DLG2: variants seen among roughly 807,000 people sequenced by gnomAD.
DLG2 encodes the protein discs large MAGUK scaffold protein 2.
Under a neutral mutation model 132.5 loss-of-function variants are expected in DLG2, and 45 were observed. The ratio of observed to expected loss-of-function variants is 0.34; its 90% confidence interval spans 0.27 to 0.44. The LOEUF (loss-of-function observed/expected upper bound fraction) is 0.44, where lower values mean the gene tolerates loss of function less well. DLG2 is among the 20% of genes least tolerant of loss of function. The pLI, the probability that DLG2 is intolerant of heterozygous loss-of-function variation, is 1.00. For synonymous variants in DLG2, 424 were observed against 419.6 expected, an observed-to-expected ratio of 1.01 and a Z score of -0.13; for missense variants, 1,045 against 1,196.9, an observed-to-expected ratio of 0.87 and a Z score of 1.87.
At chr11:83,548,531 C>T (rs2096295612) in intron 19 of DLG2, among the ~76,000 whole-genome samples, 1 of 152,084 alleles carries the variant, frequency 6.6e-6, no homozygotes, top group South Asian at 2.1e-4. Context: ...AGGATTCTGT[C>T]AAAGATTCTT....
intron 21 of DLG2, among the ~76,000 whole-genome samples, chr11:83,525,714 C>T (rs550887865): frequency 3.9e-5 from 6 of 152,280 alleles, no homozygotes; most frequent in South Asian, 2.1e-4. Context: ...TGTAGATCAC[C>T]TCTGGACATT....
chr11:84,102,010 A>G (rs1713298496), intron 9 of DLG2, among the ~76,000 whole-genome samples: 1 of 152,156 alleles, frequency 6.6e-6, no homozygotes, highest in Non-Finnish European at 1.5e-5. Context: ...AGACCTCACT[A>G]TAATTCATCT....
intron 7 of DLG2, among the ~76,000 whole-genome samples, chr11:84,323,762 T>C (rs1310099581): frequency 6.8e-6 from 1 of 146,274 alleles, no homozygotes; most frequent in Admixed American, 6.9e-5. Context: ...TTCTAACAGG[T>C]GTGAGGTGAT....
intron 7 of DLG2, chr11:84,317,472 T>C (rs1210853373): frequency 1.5e-6 from 1 of 681,792 alleles, no homozygotes; most frequent in African/African-American, 1.9e-5. Context: ...AAACCCTTTT[T>C]GGATGGAGCC....
intron 9 of DLG2, among the ~76,000 whole-genome samples, chr11:84,157,969 T>G (rs2095465945): frequency 6.6e-6 from 1 of 152,224 alleles, no homozygotes; most frequent in East Asian, 1.9e-4. Context: ...AAGAACATTA[T>G]GAGAAAATTC....
intron 18 of DLG2, among the ~76,000 whole-genome samples, chr11:83,736,330 T>A (rs944879589): frequency 6.6e-6 from 1 of 152,116 alleles, no homozygotes; most frequent in Non-Finnish European, 1.5e-5. Flanking sequence ...TACACAAGTG[T>A]TTGCTTTTAA....
At chr11:83,680,012 G>A (rs999991470) in intron 18 of DLG2, among the ~76,000 whole-genome samples, 1 of 152,130 alleles carries the variant, frequency 6.6e-6, no homozygotes, top group Non-Finnish European at 1.5e-5. Context: ...TTTTAATCCT[G>A]TTTTGAGAGA....
chr11:84,365,135 C>G (rs1029192746), intron 7 of DLG2, among the ~76,000 whole-genome samples: 3 of 152,120 alleles, frequency 2.0e-5, no homozygotes, highest in African/African-American at 7.2e-5. Flanking sequence ...GTGAATCCAT[C>G]TGGTCCTGGA....
intron 21 of DLG2, among the ~76,000 whole-genome samples, chr11:83,528,568 TA>T (rs1452824543): frequency 1.3e-5 from 2 of 152,186 alleles, no homozygotes; most frequent in Non-Finnish European, 2.9e-5. Flanking sequence ...CCTTCTCTTT[TA>T]CCTAAGGCAT....
chr11:84,539,010 A>G (rs2099361886), intron 6 of DLG2, among the ~76,000 whole-genome samples: 1 of 152,152 alleles, frequency 6.6e-6, no homozygotes, highest in South Asian at 2.1e-4. Context: ...GTACTGATTT[A>G]TAACACTAGG....
At chr11:84,656,280 T>C (rs556627843) in intron 6 of DLG2, among the ~76,000 whole-genome samples, 1 of 152,296 alleles carries the variant, frequency 6.6e-6, no homozygotes. Flanking sequence ...TTCAGAAATA[T>C]ATCCAACATC....
chr11:83,701,118 A>AGGAG (rs2082858553), intron 18 of DLG2, among the ~76,000 whole-genome samples: 1 of 152,104 alleles, frequency 6.6e-6, no homozygotes, highest in African/African-American at 2.4e-5. Context: ...GGAGTCCGGG[A>AGGAG]GATGGTGATG....
chr11:84,449,622 G>C (rs926287056), intron 7 of DLG2, among the ~76,000 whole-genome samples: 22 of 151,734 alleles, frequency 1.4e-4, no homozygotes, highest in Non-Finnish European at 3.1e-4. Flanking sequence ...GTCCACTAAA[G>C]TACTTAACAT....
chr11:85,008,065 A>G (rs549150156), intron 6 of DLG2, among the ~76,000 whole-genome samples: 3 of 152,310 alleles, frequency 2.0e-5, no homozygotes, highest in Non-Finnish European at 4.4e-5. Flanking sequence ...AAATATATGA[A>G]TAGTCACACT....
At chr11:85,585,707 A>G (rs1025666540) in intron 3 of DLG2, among the ~76,000 whole-genome samples, 6 of 149,934 alleles carry the variant, frequency 4.0e-5, no homozygotes, top group African/African-American at 1.5e-4. Context: ...TTTATGTGAT[A>G]TATCACAGTT....
chr11:85,280,977 G>C (rs1565261763), intron 4 of DLG2, among the ~76,000 whole-genome samples: 1 of 151,928 alleles, frequency 6.6e-6, no homozygotes, highest in Non-Finnish European at 1.5e-5. Context: ...GTCATCTTAT[G>C]ATATCAACAA....
intron 9 of DLG2, among the ~76,000 whole-genome samples, chr11:84,099,681 C>T (rs1178714795): frequency 6.7e-6 from 1 of 150,296 alleles, no homozygotes; most frequent in Non-Finnish European, 1.5e-5. Flanking sequence ...AGCTTCTATT[C>T]TAATAAAGCC....
At chr11:85,468,336 T>C (rs569276526) in intron 3 of DLG2, among the ~76,000 whole-genome samples, 76 of 152,328 alleles carry the variant, frequency 5.0e-4, no homozygotes, top group African/African-American at 1.7e-3. Flanking sequence ...ATCTTAGTTA[T>C]TTCTTGCCTT....
chr11:83,485,595 A>AT lies in DLG2; in HGVS notation c.2194-1368dup, dbSNP rs1386004055. 5.3e-5 allele frequency among the ~76,000 whole-genome samples: 8 copies of AT among 152,240 alleles called. No homozygotes were observed. In the South Asian group the frequency reaches 1.7e-3, roughly 32 times the overall value. On this transcript the variant is annotated intron_variant, in intron 21 of 27. Coordinates refer to ENST00000376104, the MANE Select transcript of DLG2 (RefSeq NM_001142699.3). The stretch of plus-strand genomic sequence containing the variant: ...AATTTGAAAACAGGTATTCAAAAAC[A>AT]TTTTTGGCAATGGAAGCTGTTAAGA...
Sources: allele counts gnomAD v4.1 joint callset (sites outside exome capture counted in the v4.1 genomes callset), GRCh38; gene constraint gnomAD v4.1.1; transcripts MANE v1.5; gene names NCBI Gene and HGNC (gene_info 2026-07-23, HGNC 2026-07-21).